Variants in FMN2 observed in about 807,000 individuals in gnomAD.
The protein encoded by FMN2 is formin-2.
FMN2 carries 51 observed loss-of-function variants against 142.3 expected under a neutral mutation model. That is an observed-to-expected ratio of 0.36 (90% CI 0.29 to 0.45). FMN2 has a LOEUF of 0.45. Ranked by LOEUF, FMN2 falls within the 20% of genes least tolerant of loss-of-function variation. FMN2 has a pLI of 1.00. For missense variants in FMN2, 1,936 were observed against 2,122.8 expected (o/e 0.91, Z 1.73); for synonymous variants, 882 against 869.8 (o/e 1.01, Z -0.25).
intron 15 of FMN2, among the ~76,000 whole-genome samples, chr1:240,427,427 C>G (rs1034100620): frequency 5.9e-5 from 9 of 151,896 alleles, no homozygotes; most frequent in Non-Finnish European, 8.8e-5. Flanking sequence ...GGATGGTCTC[C>G]ATCTCCTGAC....
At chr1:240,204,403 C>A (rs569048670) in intron 4 of FMN2, among the ~76,000 whole-genome samples, 1 of 152,206 alleles carries the variant, frequency 6.6e-6, no homozygotes, top group African/African-American at 2.4e-5. Context: ...AGTTCGAGGC[C>A]AGCCTGGGCA....
intron 3 of FMN2, among the ~76,000 whole-genome samples, chr1:240,182,858 G>A (rs1558342960): frequency 6.6e-6 from 1 of 151,828 alleles, no homozygotes; most frequent in African/African-American, 2.4e-5. Context: ...TGTCTCTAAT[G>A]GTTCCTAAGA....
chr1:240,139,611 G>T (rs892772595), intron 2 of FMN2, among the ~76,000 whole-genome samples: 5 of 152,224 alleles, frequency 3.3e-5, no homozygotes, highest in Non-Finnish European at 5.9e-5. Flanking sequence ...GGAGTGTTAA[G>T]TGATATTCAG....
chr1:240,257,980 A>G lies in FMN2; in HGVS notation c.4101A>G (p.Ala1367=). Residue 1367 remains alanine (A), a synonymous_variant, in exon 7 of 18, where the codon GCA becomes GCG. Coordinates refer to ENST00000319653, the MANE Select transcript of FMN2 (RefSeq NM_020066.5). ...TATTAAGCAACAAAAGATCACAAGC[A>G]GTTGGAATACTAATGTCTAGCCTTC... ...VKLLSNKRSQ[A]VGILMSSLHL... 6.2e-7 allele frequency: 1 copy of G among 1,612,974 alleles called. No individual in the cohort carries two copies.
intron 15 of FMN2, among the ~76,000 whole-genome samples, chr1:240,431,877 G>GTTT (rs757768209): frequency 7.0e-6 from 1 of 141,894 alleles, no homozygotes; most frequent in African/African-American, 2.6e-5. Context: ...TTTTATTAAG[G>GTTT]TTTTTTTTTT....
At chr1:240,137,814 A>G (rs1178325449) in intron 2 of FMN2, among the ~76,000 whole-genome samples, 1 of 152,068 alleles carries the variant, frequency 6.6e-6, no homozygotes, top group Non-Finnish European at 1.5e-5. Context: ...TACTGTGGCC[A>G]GGGGCGGTAG....
chr1:240,348,913 A>T (rs1048499854), intron 13 of FMN2, among the ~76,000 whole-genome samples: 1 of 151,990 alleles, frequency 6.6e-6, no homozygotes, highest in Admixed American at 6.6e-5. Flanking sequence ...TTCTCAAATT[A>T]TTTTCCCAGT....
chr1:240,190,843 A>G (rs1369155765), intron 4 of FMN2, among the ~76,000 whole-genome samples: 1 of 152,344 alleles, frequency 6.6e-6, no homozygotes, highest in East Asian at 1.9e-4. Context: ...TCACTTATAC[A>G]TTTTGAAGTT....
chr1:240,171,686 T>C (rs1664707973), intron 2 of FMN2, among the ~76,000 whole-genome samples: 1 of 152,226 alleles, frequency 6.6e-6, no homozygotes. Flanking sequence ...TTGAGCATTG[T>C]TATTTTCTGG....
chr1:240,334,562 G>A (rs1054737802), intron 13 of FMN2, among the ~76,000 whole-genome samples: 1 of 152,158 alleles, frequency 6.6e-6, no homozygotes, highest in Non-Finnish European at 1.5e-5. Flanking sequence ...TGTCATTGTT[G>A]TAATAGAAGA....
chr1:240,099,945 G>A lies in FMN2; in HGVS notation c.1615+6221G>A, dbSNP rs569388083. 4.6e-5 allele frequency among the ~76,000 whole-genome samples: 7 copies of A among 151,896 alleles called. No individual in the cohort carries two copies. The East Asian group carries it at 7.7e-4, about 17-fold the overall frequency. ...TAATCTGTCCACAGATATCTCTTCC[G>A]TGCCTTGCTCTGTGCCTGTCAATAT... On this transcript the variant is annotated intron_variant, in intron 1 of 17. Transcript: ENST00000319653.
intron 15 of FMN2, among the ~76,000 whole-genome samples, chr1:240,433,529 A>T (rs1675251628): frequency 6.6e-6 from 1 of 152,196 alleles, no homozygotes; most frequent in Admixed American, 6.5e-5. Context: ...CTCTCAACGC[A>T]GAGCTTAGCC....
At chr1:240,256,584 CAAA>C (rs34087707) in intron 6 of FMN2, among the ~76,000 whole-genome samples, 3,800 of 111,390 alleles carry the variant, frequency 0.034, 162 homozygotes, top group African/African-American at 0.13. Flanking sequence ...ACTAAAAATA[CAAA>C]AAAAAAAAAA....
At chr1:240,117,629 G>C (rs570470425) in intron 1 of FMN2, among the ~76,000 whole-genome samples, 2 of 152,356 alleles carry the variant, frequency 1.3e-5, no homozygotes, top group African/African-American at 2.4e-5. Flanking sequence ...ACTGATTCAA[G>C]GTCAGCATGC....
At chr1:240,237,052 A>G (rs900657238) in intron 6 of FMN2, among the ~76,000 whole-genome samples, 7 of 152,174 alleles carry the variant, frequency 4.6e-5, no homozygotes, top group Non-Finnish European at 7.3e-5. Context: ...GAAGGATGTG[A>G]GTTTTTGTTG....
chr1:240,251,483 C>G (rs553586557), intron 6 of FMN2, among the ~76,000 whole-genome samples: 6 of 152,210 alleles, frequency 3.9e-5, no homozygotes, highest in African/African-American at 1.4e-4. Context: ...ATTTTTGTGT[C>G]CTAACACATT....
intron 2 of FMN2, among the ~76,000 whole-genome samples, chr1:240,124,969 G>T (rs1240819550): frequency 6.6e-6 from 1 of 152,096 alleles, no homozygotes; most frequent in Non-Finnish European, 1.5e-5. Flanking sequence ...CCTGGCCGTG[G>T]TTTTTCATCA....
chr1:240,184,390 CCA>C (rs1231008958), intron 3 of FMN2, among the ~76,000 whole-genome samples: 10 of 151,586 alleles, frequency 6.6e-5, no homozygotes, highest in African/African-American at 2.4e-4. Context: ...GTGCCCACCA[CCA>C]GGCCGGCTCA....
chr1:240,276,238 G>C (rs1179951596), intron 7 of FMN2, among the ~76,000 whole-genome samples: 1 of 152,184 alleles, frequency 6.6e-6, no homozygotes, highest in African/African-American at 2.4e-5. Context: ...ATGTTCAGCT[G>C]TTCAGGACAC....
Sources: allele counts gnomAD v4.1 joint callset (sites outside exome capture counted in the v4.1 genomes callset), GRCh38; gene constraint gnomAD v4.1.1; transcripts MANE v1.5; gene names NCBI Gene and HGNC (gene_info 2026-07-23, HGNC 2026-07-21).